PDHA1: variants seen among roughly 807,000 people sequenced by gnomAD.
The protein encoded by PDHA1 is pyruvate dehydrogenase E1 component subunit alpha, somatic form, mitochondrial.
In PDHA1, 1 loss-of-function variant was observed where a neutral mutation model predicts 33.0. The ratio of observed to expected loss-of-function variants is 0.03; its 90% CI spans 0.01 to 0.14. The LOEUF (loss-of-function observed/expected upper bound fraction) is 0.14, where lower values mean the gene tolerates loss of function less well. Among genes scored for constraint, PDHA1 ranks in the 10% least tolerant of loss-of-function variants. The pLI is 1.00. For missense variants in PDHA1, 168 were observed against 325.1 expected, an observed-to-expected ratio of 0.52 and a Z score of 3.72; for synonymous variants, 123 against 119.2, an observed-to-expected ratio of 1.03 and a Z score of -0.21.
chrX:19,357,723 C>T lies in PDHA1; in HGVS notation c.899+4C>T, dbSNP rs749903004. 2.6e-5 allele frequency: 31 copies of T among 1,188,599 alleles called. No homozygotes were observed. Among genetic ancestry groups the T allele is most frequent in the South Asian group, 3.5e-5 (2 of 56,339 alleles). On this transcript the variant is annotated splice_donor_region_variant and intron_variant, in intron 9 of 10. Transcript: ENST00000422285. Reference sequence around the variant, plus strand: ...GTATGAGTGACCCTGGAGTCAGGTACGCTCATGGGCAGTGTGGTTTCCATA... The same window carrying T: ...GTATGAGTGACCCTGGAGTCAGGTATGCTCATGGGCAGTGTGGTTTCCATA...
At chrX:19,359,157 A>AAAGTCCCT (rs1555935324) in intron 10 of PDHA1, 133 bp downstream of exon 10, 89 of 504,614 alleles carry the variant, frequency 1.8e-4, no homozygotes, top group Non-Finnish European at 1.9e-4. Flanking sequence ...CCATAGTTCC[A>AAAGTCCCT]AAGTCCCTTG....
intron 4 of PDHA1, among the ~76,000 whole-genome samples, chrX:19,352,249 A>G (rs2063168679): frequency 1.1e-5 from 1 of 93,317 alleles, no homozygotes; most frequent in African/African-American, 4.1e-5. Flanking sequence ...TTTTTGAGAC[A>G]GAGTTTCACT....
rs774390547 is a variant in PDHA1 at position 19,355,252 on chromosome X, A to G, written c.604-97A>G. On this transcript the variant is annotated intron_variant, in intron 6 of 10. Transcript: ENST00000422285. ...TAGAAGAGGAGGCTTTCTGTGCTTT[A>G]TGAAAGCTTTCTGTGCCAGGCAGAG... 3.9e-6 allele frequency: 4 copies of G among 1,033,364 alleles called. No homozygotes were observed. The South Asian group carries it at 5.7e-5, about 15-fold the overall frequency. The allele number at this position is 1,033,364 out of a possible 1,213,427, so 85.2% of individuals were successfully genotyped here.
intron 1 of PDHA1, among the ~76,000 whole-genome samples, chrX:19,345,572 TAAAAAAAAAAAAAAAAAAA>T: frequency 3.3e-5 from 1 of 30,263 alleles, no homozygotes; most frequent in East Asian, 1.6e-3. Flanking sequence ...CTCCGTATTT[TAAAAAAAAAAAAAAAAAAA>T]AAAAAAAAAA....
At chrX:19,353,226 C>T (rs2063174476) in intron 5 of PDHA1, 53 bp downstream of exon 5, 1 of 974,134 alleles carries the variant, frequency 1.0e-6, no homozygotes, top group Admixed American at 2.2e-5. Context: ...TGGACTTTGT[C>T]TTCAAAAACT....
At position 19,356,307 on chromosome X, in the gene PDHA1, A is replaced by T. The variant is rs755702425; in HGVS notation, c.831+550A>T. On this transcript the variant is annotated intron_variant, in intron 8 of 10. Coordinates refer to ENST00000422285, the MANE Select transcript of PDHA1 (RefSeq NM_000284.4). ...CCTTTGGCACTAGTATAGGCTTAGG[A>T]GGTTTGGGTGTTCTCCCTAAATCAG... is the stretch of plus-strand genomic sequence containing the variant. 9.0e-5 allele frequency among the ~76,000 whole-genome samples: 10 copies of T among 110,968 alleles called. No individual in the cohort carries two copies. In the East Asian group the frequency reaches 2.8e-3, roughly 32 times the overall value.
chrX:19,353,717 T>C (rs1363861248), intron 5 of PDHA1, among the ~76,000 whole-genome samples: 2 of 111,834 alleles, frequency 1.8e-5, no homozygotes, highest in Non-Finnish European at 3.8e-5. Context: ...TCCTTTTAGG[T>C]GTCTGCTGTT....
intron 1 of PDHA1, among the ~76,000 whole-genome samples, chrX:19,347,852 G>A (rs1426667688): frequency 8.9e-6 from 1 of 112,470 alleles, no homozygotes; most frequent in East Asian, 2.8e-4. Context: ...GACTGTCTCT[G>A]CCTGTAAGTT....
intron 1 of PDHA1, chrX:19,346,566 CT>C: frequency 1.3e-6 from 1 of 773,439 alleles, no homozygotes; most frequent in Admixed American, 3.1e-5. Context: ...TCAAGCAGTC[CT>C]CCCACCTCGG....
intron 4 of PDHA1, chrX:19,352,754 G>T (rs1243899770): frequency 6.4e-6 from 2 of 310,481 alleles, no homozygotes; most frequent in Non-Finnish European, 1.2e-5. Context: ...TTCAAGGATT[G>T]AATATATTTA....
intron 1 of PDHA1, chrX:19,346,455 A>G (rs756180699): frequency 4.9e-4 from 189 of 384,916 alleles, no homozygotes; most frequent in Non-Finnish European, 3.7e-4. Flanking sequence ...AGCTGGGAAC[A>G]CAGGCATGTG....
chrX:19,349,266 G>C (rs369412786), intron 1 of PDHA1, 46 bp from the exon 2 acceptor site: 13 of 854,179 alleles, frequency 1.5e-5, no homozygotes, highest in Non-Finnish European at 1.9e-5. Context: ...CAAAATAGCT[G>C]ACAATTAAAA....
Position 19,346,254 on chromosome X carries a change from G to A in PDHA1, c.57+2160G>A, listed in dbSNP as rs149807759. ...AGGGTAGGCAGCTGGTCTGATGGCT[G>A]TGACACAAGATAATCCCCTTAACCT... On this transcript the variant is annotated intron_variant, in intron 1 of 10. Coordinates refer to ENST00000422285, the MANE Select transcript of PDHA1 (RefSeq NM_000284.4). Among the ~76,000 whole-genome samples, 439 of 111,800 alleles carry A rather than the reference G, an allele frequency of 3.9e-3. 1 individual carries two copies. Among genetic ancestry groups the A allele is most frequent in the African/African-American group, 0.014 (423 of 30,779 alleles).
At chrX:19,354,680 G>C in intron 6 of PDHA1, 97 bp downstream of exon 6, 1 of 613,363 alleles carries the variant, frequency 1.6e-6, no homozygotes. Flanking sequence ...TGCTTATTAG[G>C]TGAAATAGCA....
rs2063280326 is a variant in PDHA1, at chrX:19,361,105, C to T, written c.*1452C>T. 2.4e-6 allele frequency: 1 copy of T among 421,622 alleles called. No individual in the cohort carries two copies. Among genetic ancestry groups the T allele is most frequent in the Non-Finnish European group, 4.1e-6 (1 of 244,435 alleles). 34.7% of individuals were successfully genotyped at this position (421,622 alleles called of 1,213,427 possible). A position where few individuals can be genotyped will look rare whatever the true frequency, so the allele number is the denominator to read the frequency against. Reference sequence around the variant, plus strand: ...CAGGCACGCTTGCCATGTGCCTCCACCCACTCCCAGCCAGGCATTAATGGC... The same window carrying T: ...CAGGCACGCTTGCCATGTGCCTCCATCCACTCCCAGCCAGGCATTAATGGC... On this transcript the variant is annotated 3_prime_UTR_variant, in exon 11 of 11. Transcript: ENST00000422285.
intron 8 of PDHA1, among the ~76,000 whole-genome samples, chrX:19,357,105 T>A (rs1481968996): frequency 8.9e-6 from 1 of 112,179 alleles, no homozygotes; most frequent in African/African-American, 3.2e-5. Flanking sequence ...GTCTAGCCAA[T>A]AGCAGGAGGC....
At chrX:19,345,427 G>A (rs1202561908) in intron 1 of PDHA1, among the ~76,000 whole-genome samples, 2 of 108,788 alleles carry the variant, frequency 1.8e-5, no homozygotes, top group Non-Finnish European at 3.8e-5. Flanking sequence ...AAAATTAGCC[G>A]GTCGTGGTGG....
chrX:19,358,807 G>GTATT (rs747258835), intron 9 of PDHA1, 109 bp from the exon 10 acceptor site: 27 of 539,258 alleles, frequency 5.0e-5, no homozygotes, highest in East Asian at 1.4e-4. Context: ...ACACACTTCT[G>GTATT]TATTTCACCT....
At position 19,359,865 on chromosome X, in the gene PDHA1, T is replaced by TAAAATAG. The variant is rs1438100339; in HGVS notation, c.*213_*219dup. 8.9e-6 allele frequency: 4 copies of TAAAATAG among 450,996 alleles called. No individual in the cohort carries two copies. Among genetic ancestry groups the TAAAATAG allele is most frequent in the Non-Finnish European group, 1.6e-5 (4 of 254,255 alleles). 37.2% of individuals were successfully genotyped at this position (450,996 alleles called of 1,213,427 possible). A position where few individuals can be genotyped will look rare whatever the true frequency, so the allele number is the denominator to read the frequency against. On this transcript the variant is annotated 3_prime_UTR_variant, in exon 11 of 11. Coordinates refer to ENST00000422285, the MANE Select transcript of PDHA1 (RefSeq NM_000284.4). ...GAGTGCTTAAAGATTATTTTTGACT[T>TAAAATAG]AAAATAGTATACTTTGAACAAATAC...
Sources: gnomAD v4.1 joint callset for allele counts (sites outside exome capture counted in the v4.1 genomes callset) on GRCh38, gnomAD v4.1.1 for gene constraint, MANE v1.5 for transcripts, NCBI Gene and HGNC (gene_info 2026-07-23, HGNC 2026-07-21) for gene names.